KCTD16: variants seen among roughly 807,000 people sequenced by gnomAD.
KCTD16 encodes potassium channel tetramerization domain containing 16, also known as BTB/POZ domain-containing protein KCTD16.
A neutral mutation model predicts 33.2 loss-of-function variants in KCTD16; 13 were observed. That is an observed-to-expected ratio of 0.39 (90% CI 0.25 to 0.62). The LOEUF is 0.62. KCTD16 is among the 20% of genes least tolerant of loss of function. The pLI is 0.50. For synonymous variants in KCTD16, 197 were observed against 195.3 expected (o/e 1.01, Z -0.07); for missense variants, 441 against 525.1 (o/e 0.84, Z 1.57).
chr5:144,313,711 G>A (rs1388436474), intron 3 of KCTD16, among the ~76,000 whole-genome samples: 1 of 152,096 alleles, frequency 6.6e-6, no homozygotes, highest in African/African-American at 2.4e-5. Flanking sequence ...TTACAGTGAT[G>A]AGCTGACAAT....
intron 3 of KCTD16, among the ~76,000 whole-genome samples, chr5:144,332,883 T>C (rs1752393911): frequency 6.6e-6 from 1 of 152,178 alleles, no homozygotes; most frequent in South Asian, 2.1e-4. Context: ...CTCATAATCA[T>C]GGCGGAAGGC....
intron 3 of KCTD16, among the ~76,000 whole-genome samples, chr5:144,315,227 C>T (rs1340995370): frequency 6.6e-6 from 1 of 152,146 alleles, no homozygotes; most frequent in African/African-American, 2.4e-5. Context: ...ACCTAAGCAC[C>T]TCTCTCAAAC....
chr5:144,396,777 A>G (rs1306432926), intron 3 of KCTD16, among the ~76,000 whole-genome samples: 7 of 151,986 alleles, frequency 4.6e-5, no homozygotes, highest in African/African-American at 7.2e-5. Flanking sequence ...ATGCTTATCA[A>G]TGCTCTAATG....
chr5:144,380,860 C>G (rs920198428), intron 3 of KCTD16, among the ~76,000 whole-genome samples: 1 of 151,900 alleles, frequency 6.6e-6, no homozygotes, highest in East Asian at 1.9e-4. Context: ...CTACAAAAAC[C>G]CCAGAAGAAA....
At chr5:144,301,999 A>C (rs1388931196) in intron 3 of KCTD16, among the ~76,000 whole-genome samples, 4 of 152,090 alleles carry the variant, frequency 2.6e-5, no homozygotes, top group African/African-American at 4.8e-5. Flanking sequence ...TCTTTTTTAA[A>C]TTTTACGCAA....
chr5:144,364,915 TGATTTCATA>T (rs1751797877), intron 3 of KCTD16, among the ~76,000 whole-genome samples: 1 of 152,192 alleles, frequency 6.6e-6, no homozygotes, highest in Admixed American at 6.5e-5. Flanking sequence ...GGTAGTAGGT[TGATTTCATA>T]GAACCTAAAT....
At chr5:144,357,669 A>G (rs1751602556) in intron 3 of KCTD16, among the ~76,000 whole-genome samples, 1 of 152,192 alleles carries the variant, frequency 6.6e-6, no homozygotes. Context: ...CACAGAGGAC[A>G]TAATATTTGA....
At chr5:144,432,365 C>A (rs1402672724) in intron 3 of KCTD16, among the ~76,000 whole-genome samples, 4 of 152,066 alleles carry the variant, frequency 2.6e-5, no homozygotes, top group Admixed American at 2.6e-4. Flanking sequence ...AATTATTATA[C>A]CCATTTTATA....
chr5:144,316,710 G>A (rs1192118380), intron 3 of KCTD16, among the ~76,000 whole-genome samples: 2 of 151,412 alleles, frequency 1.3e-5, no homozygotes, highest in Non-Finnish European at 2.9e-5. Flanking sequence ...AAGGGGTTTC[G>A]CTGTGTTAGT....
intron 3 of KCTD16, among the ~76,000 whole-genome samples, chr5:144,464,594 G>A (rs1390386374): frequency 6.6e-6 from 1 of 152,200 alleles, no homozygotes; most frequent in African/African-American, 2.4e-5. Flanking sequence ...AAGATAAAAT[G>A]TTTGTAAAGC....
At chr5:144,418,736 A>G (rs755003020) in intron 3 of KCTD16, among the ~76,000 whole-genome samples, 3 of 152,180 alleles carry the variant, frequency 2.0e-5, no homozygotes, top group African/African-American at 7.2e-5. Context: ...GTTATGCCTG[A>G]GATGTTAAAT....
At chr5:144,248,617 C>T (rs1754614256) in intron 3 of KCTD16, among the ~76,000 whole-genome samples, 1 of 152,074 alleles carries the variant, frequency 6.6e-6, no homozygotes, top group African/African-American at 2.4e-5. Context: ...ACAGGGAGAC[C>T]CATTAGGAGG....
intron 3 of KCTD16, among the ~76,000 whole-genome samples, chr5:144,262,711 A>G (rs1755045964): frequency 6.6e-6 from 1 of 152,200 alleles, no homozygotes; most frequent in Non-Finnish European, 1.5e-5. Flanking sequence ...TAGTTTTTAT[A>G]TTACTGATCA....
intron 3 of KCTD16, among the ~76,000 whole-genome samples, chr5:144,214,140 A>T (rs372473054): frequency 6.6e-6 from 1 of 152,208 alleles, no homozygotes; most frequent in Admixed American, 6.5e-5. Flanking sequence ...GGAATAAAAC[A>T]TAGGTGACAT....
intron 2 of KCTD16, among the ~76,000 whole-genome samples, chr5:144,184,666 A>G (rs1377607729): frequency 1.3e-5 from 2 of 152,206 alleles, no homozygotes; most frequent in Non-Finnish European, 2.9e-5. Context: ...TACGATAGCC[A>G]ACACTTGTTA....
At chr5:144,400,930 C>T (rs1752688708) in intron 3 of KCTD16, among the ~76,000 whole-genome samples, 1 of 151,952 alleles carries the variant, frequency 6.6e-6, no homozygotes, top group Non-Finnish European at 1.5e-5. Flanking sequence ...GTGCAAAGGC[C>T]AGGAGCTATG....
chr5:144,273,651 A>G (rs931694814), intron 3 of KCTD16, among the ~76,000 whole-genome samples: 23 of 152,212 alleles, frequency 1.5e-4, no homozygotes, highest in African/African-American at 5.5e-4. Flanking sequence ...AGAACATTCT[A>G]CTAAGTAAAA....
chr5:144,483,979 G>GT lies in KCTD16; in HGVS notation c.*9871dup, dbSNP rs955256586. ...TTTGAGGACATTTGAAGGAGCGATTGTTTTTTCCCCAAAATTTTGGAGCAG... is the reference window on the plus strand; with the variant it reads ...TTTGAGGACATTTGAAGGAGCGATTGTTTTTTTCCCCAAAATTTTGGAGCAG... On this transcript the variant is annotated 3_prime_UTR_variant, in exon 4 of 4. Coordinates refer to ENST00000512467, the MANE Select transcript of KCTD16 (RefSeq NM_020768.4). 4.6e-5 allele frequency: 7 copies of GT among 151,888 alleles called. No individual in the cohort carries two copies. The highest frequency in any genetic ancestry group is 9.7e-5 in the African/African-American group (4 of 41,402). 9.4% of individuals were successfully genotyped at this position (151,888 alleles called of 1,614,324 possible). A position where few individuals can be genotyped will look rare whatever the true frequency, so the allele number is the denominator to read the frequency against.
chr5:144,375,264 T>TA (rs1257551696), intron 3 of KCTD16, among the ~76,000 whole-genome samples: 2 of 152,216 alleles, frequency 1.3e-5, no homozygotes, highest in Non-Finnish European at 2.9e-5. Flanking sequence ...GCAAGTGTCT[T>TA]ACCTTCTTGA....
Sources: gnomAD v4.1 joint callset for allele counts (sites outside exome capture counted in the v4.1 genomes callset) on GRCh38, gnomAD v4.1.1 for gene constraint, MANE v1.5 for transcripts, NCBI Gene and HGNC (gene_info 2026-07-23, HGNC 2026-07-21) for gene names.